The following NREP variants were observed in gnomAD, a reference collection of about 807,000 sequenced individuals.
NREP encodes the protein neuronal regeneration related protein, also known as neuronal regeneration-related protein.
A neutral mutation model predicts 8.6 loss-of-function variants in NREP; 5 were observed. That is an observed-to-expected ratio of 0.58 (90% confidence interval 0.30 to 1.22). NREP has a LOEUF of 1.22. NREP is among the 50% of genes most tolerant of loss of function. NREP has a pLI of 0.07. For missense variants in NREP, 86 were observed against 82.5 expected, an observed-to-expected ratio of 1.04 and a Z score of -0.17; for synonymous variants, 27 against 28.0, an observed-to-expected ratio of 0.96 and a Z score of 0.11.
chr5:111,939,109 C>G (rs1251982815), intron 2 of NREP, among the ~76,000 whole-genome samples: 1 of 152,018 alleles, frequency 6.6e-6, no homozygotes, highest in African/African-American at 2.4e-5. Flanking sequence ...TGCTCTTGGT[C>G]TTCCTTCCTT....
chr5:111,960,895 G>A (rs976723768), intron 2 of NREP, among the ~76,000 whole-genome samples: 1 of 152,166 alleles, frequency 6.6e-6, no homozygotes, highest in Non-Finnish European at 1.5e-5. Context: ...GTTATGTAAA[G>A]ACTATAAAGT....
intron 2 of NREP, among the ~76,000 whole-genome samples, chr5:111,923,116 A>G (rs1755291671): frequency 6.6e-6 from 1 of 152,204 alleles, no homozygotes; most frequent in Non-Finnish European, 1.5e-5. Context: ...TGGTGGCATG[A>G]GCATGGAGGA....
chr5:111,826,201 C>T (rs1404083234), intron 2 of NREP, among the ~76,000 whole-genome samples: 1 of 152,092 alleles, frequency 6.6e-6, no homozygotes, highest in African/African-American at 2.4e-5. Flanking sequence ...TTCGTAAACG[C>T]ACCAATCAGC....
chr5:111,753,804 CA>C (rs1450749084), intron 2 of NREP, among the ~76,000 whole-genome samples: 1 of 151,584 alleles, frequency 6.6e-6, no homozygotes, highest in Non-Finnish European at 1.5e-5. Context: ...AAAGTAATTC[CA>C]ATTTTAATCA....
upstream of NREP, chr5:111,757,695 G>A (rs1448058000): frequency 3.0e-6 from 3 of 984,160 alleles, no homozygotes; most frequent in South Asian, 9.4e-5. Flanking sequence ...GCCCCGGGGA[G>A]ACAAAGCGGA....
chr5:111,750,110 G>A (rs1216907641), intron 2 of NREP, among the ~76,000 whole-genome samples: 1 of 152,166 alleles, frequency 6.6e-6, no homozygotes, highest in East Asian at 1.9e-4. Flanking sequence ...TCTAGGTCTA[G>A]TTTTTGAGGT....
At chr5:111,778,197 A>G (rs1561662716) in intron 2 of NREP, among the ~76,000 whole-genome samples, 1 of 152,192 alleles carries the variant, frequency 6.6e-6, no homozygotes, top group Admixed American at 6.5e-5. Context: ...CAAACTCTTC[A>G]TATGCTAAGA....
intron 2 of NREP, among the ~76,000 whole-genome samples, chr5:111,947,046 T>C (rs1265136419): frequency 6.6e-6 from 1 of 152,148 alleles, no homozygotes; most frequent in Non-Finnish European, 1.5e-5. Flanking sequence ...TGGCTATTTG[T>C]AAGATTCCAA....
intron 2 of NREP, among the ~76,000 whole-genome samples, chr5:111,813,252 A>C (rs1391849742): frequency 6.6e-6 from 1 of 152,180 alleles, no homozygotes; most frequent in Non-Finnish European, 1.5e-5. Context: ...CTTTTCTAAC[A>C]GATGGCCTCA....
At chr5:111,765,655 C>T (rs867313096) in intron 2 of NREP, among the ~76,000 whole-genome samples, 11 of 152,206 alleles carry the variant, frequency 7.2e-5, no homozygotes, top group African/African-American at 2.2e-4. Flanking sequence ...GTCTCTTAAC[C>T]GTCATGCTCA....
chr5:111,838,465 T>C (rs929138169), intron 2 of NREP, among the ~76,000 whole-genome samples: 1 of 152,130 alleles, frequency 6.6e-6, no homozygotes, highest in East Asian at 1.9e-4. Flanking sequence ...TTTGTAAATA[T>C]GGTTAACATT....
chr5:111,790,301 C>G (rs540950848), intron 2 of NREP, among the ~76,000 whole-genome samples: 2 of 141,092 alleles, frequency 1.4e-5, no homozygotes, highest in East Asian at 2.1e-4. Context: ...TTAAGTCTGA[C>G]TAAACTTTCT....
At chr5:111,869,760 C>A (rs780188391) in intron 2 of NREP, among the ~76,000 whole-genome samples, 12 of 152,086 alleles carry the variant, frequency 7.9e-5, no homozygotes, top group Non-Finnish European at 1.3e-4. Context: ...TGCTCAAAAA[C>A]AACAGAAGCA....
At chr5:111,975,086 A>G (rs1756924348) in intron 2 of NREP, among the ~76,000 whole-genome samples, 2 of 152,250 alleles carry the variant, frequency 1.3e-5, no homozygotes, top group African/African-American at 4.8e-5. Flanking sequence ...CAATGCAGAG[A>G]TGCAGAGGAA....
intron 2 of NREP, among the ~76,000 whole-genome samples, chr5:111,885,911 G>T (rs1220124417): frequency 6.6e-6 from 1 of 152,062 alleles, no homozygotes; most frequent in East Asian, 1.9e-4. Flanking sequence ...CATAGGCATG[G>T]GCAAGGACTT....
At chr5:111,758,312 T>C (rs574234884), upstream of NREP, 1 of 956,740 alleles carries the variant, frequency 1.0e-6, no homozygotes, top group Non-Finnish European at 1.2e-6. Flanking sequence ...TGGTGCTTCC[T>C]TCTCCTTCCC....
At chr5:111,859,885 T>C (rs1190903256) in intron 2 of NREP, among the ~76,000 whole-genome samples, 1 of 152,100 alleles carries the variant, frequency 6.6e-6, no homozygotes, top group Non-Finnish European at 1.5e-5. Flanking sequence ...GCACAGGTCA[T>C]GTCATATATT....
intron 2 of NREP, among the ~76,000 whole-genome samples, chr5:111,745,425 A>T (rs1749940447): frequency 6.6e-6 from 1 of 152,116 alleles, no homozygotes; most frequent in Non-Finnish European, 1.5e-5. Context: ...TTCTTTTTTC[A>T]ATGTTCCCTG....
chr5:111,919,875 GAAAGAA>G lies in NREP; in HGVS notation c.135+55393_135+55398del, dbSNP rs1561346120. Among the ~76,000 whole-genome samples, 974 of 132,794 alleles carry G rather than the reference GAAAGAA, an allele frequency of 7.3e-3. 23 individuals are homozygous for G. Among genetic ancestry groups the G allele is most frequent in the African/African-American group, 0.026 (928 of 36,350 alleles). 87.1% of individuals were successfully genotyped at this position (132,794 alleles called of 152,430 possible). ...ATCCCAGAACTTGAAGAGAGAGAAAGAAAGAAAGAAAGAAAGAAAGAAAGAAAGAAA... is the reference window on the plus strand; with the variant it reads ...ATCCCAGAACTTGAAGAGAGAGAAAGAGAAAGAAAGAAAGAAAGAAAGAAA... On this transcript the variant is annotated intron_variant, in intron 2 of 3. Coordinates refer to the NREP transcript ENST00000395634.
Sources: allele counts gnomAD v4.1 joint callset (sites outside exome capture counted in the v4.1 genomes callset), GRCh38; gene constraint gnomAD v4.1.1; transcripts MANE v1.5; gene names NCBI Gene and HGNC (gene_info 2026-07-23, HGNC 2026-07-21).